ATRNL1: variants seen among roughly 807,000 people sequenced by gnomAD.
The protein encoded by ATRNL1 is attractin like 1.
A neutral mutation model predicts 182.7 loss-of-function variants in ATRNL1; 95 were observed. That is an observed-to-expected ratio of 0.52 (90% CI 0.44 to 0.62). ATRNL1 has a LOEUF of 0.62. Ranked by LOEUF, ATRNL1 falls within the 20% of genes least tolerant of loss-of-function variation. The probability of loss-of-function intolerance (pLI) is 0.00; values close to 1 mark genes in which losing one functional copy is unlikely to be tolerated. For synonymous variants in ATRNL1, 576 were observed against 568.3 expected (o/e 1.01, Z -0.19); for missense variants, 1,471 against 1,679.5 (o/e 0.88, Z 2.17).
At chr10:115,143,893 A>G (rs1163187084) in intron 5 of ATRNL1, among the ~76,000 whole-genome samples, 1 of 152,088 alleles carries the variant, frequency 6.6e-6, no homozygotes, top group Non-Finnish European at 1.5e-5. Flanking sequence ...CCCACCTACT[A>G]ATACTATCAC....
chr10:115,802,559 G>T (rs191607858), intron 27 of ATRNL1, among the ~76,000 whole-genome samples: 1 of 152,158 alleles, frequency 6.6e-6, no homozygotes, highest in Admixed American at 6.5e-5. Context: ...TTTCTCTCTG[G>T]CATTTAGACA....
At chr10:115,706,976 A>T (rs1946918671) in intron 26 of ATRNL1, among the ~76,000 whole-genome samples, 1 of 151,930 alleles carries the variant, frequency 6.6e-6, no homozygotes, top group African/African-American at 2.4e-5. Flanking sequence ...GTAATTTCTT[A>T]CAAATTCTAA....
At chr10:115,622,107 T>C (rs1857805979) in intron 26 of ATRNL1, among the ~76,000 whole-genome samples, 1 of 152,174 alleles carries the variant, frequency 6.6e-6, no homozygotes, top group Non-Finnish European at 1.5e-5. Context: ...ACTCTAGATA[T>C]GTCAACCTAA....
chr10:115,596,622 T>G (rs1376652897), intron 26 of ATRNL1, among the ~76,000 whole-genome samples: 1 of 152,076 alleles, frequency 6.6e-6, no homozygotes, highest in Non-Finnish European at 1.5e-5. Flanking sequence ...GTCAGTGAGC[T>G]GAAGGGCGTG....
chr10:115,424,138 A>G lies in ATRNL1; in HGVS notation c.3270-2112A>G, dbSNP rs111879601. Among the ~76,000 whole-genome samples the G allele has an allele frequency of 5.3e-3, 802 of 152,296 alleles. 7 individuals are homozygous for G. The highest frequency in any genetic ancestry group is 0.017 in the African/African-American group (713 of 41,570). On this transcript the variant is annotated intron_variant, in intron 20 of 28. Transcript: ENST00000355044. ...CAAAAGATCTGAATAGACATTTCTC[A>G]AAAGAAGACATACGAATGGCTCACT...
intron 24 of ATRNL1, among the ~76,000 whole-genome samples, chr10:115,504,338 T>G (rs1554980763): frequency 6.6e-6 from 1 of 152,038 alleles, no homozygotes; most frequent in Non-Finnish European, 1.5e-5. Context: ...TAGGAGGAAT[T>G]TAGTTTATAG....
intron 9 of ATRNL1, among the ~76,000 whole-genome samples, chr10:115,235,801 T>A (rs1234997255): frequency 6.6e-6 from 1 of 152,150 alleles, no homozygotes; most frequent in African/African-American, 2.4e-5. Context: ...AGTGCCTTAT[T>A]GGGAGATACT....
intron 25 of ATRNL1, among the ~76,000 whole-genome samples, chr10:115,522,638 A>G (rs1851003920): frequency 6.6e-6 from 1 of 152,138 alleles, no homozygotes; most frequent in Admixed American, 6.5e-5. Flanking sequence ...TAATCCCAAT[A>G]CTTCCCAGAA....
chr10:115,311,379 C>T (rs896044799), intron 17 of ATRNL1, among the ~76,000 whole-genome samples: 32 of 151,830 alleles, frequency 2.1e-4, no homozygotes, highest in African/African-American at 6.8e-4. Flanking sequence ...TAGTAGAAAC[C>T]GGTTTCACCA....
At chr10:115,855,231 G>A (rs1208644236) in intron 28 of ATRNL1, among the ~76,000 whole-genome samples, 1 of 152,130 alleles carries the variant, frequency 6.6e-6, no homozygotes, top group Non-Finnish European at 1.5e-5. Flanking sequence ...GATTCTCTGA[G>A]TGTAGGTGTG....
Position 115,212,290 on chromosome 10 carries a change from GT to G in ATRNL1, c.1349-3398del, listed in dbSNP as rs1213187248. On this transcript the variant is annotated intron_variant, in intron 8 of 28. Coordinates refer to ENST00000355044, the MANE Select transcript of ATRNL1 (RefSeq NM_207303.4). Reference sequence around the variant, plus strand: ...CCGTTAGTTTTTATTTGTTATTGTAGTTTTTTTTTAACTTTTTTTTTTTTGC... The same window carrying G: ...CCGTTAGTTTTTATTTGTTATTGTAGTTTTTTTTAACTTTTTTTTTTTTGC... 1.6e-4 allele frequency among the ~76,000 whole-genome samples: 21 copies of G among 132,940 alleles called. No individual in the cohort carries two copies. In the East Asian group the frequency reaches 4.1e-3, roughly 26 times the overall value. 87.2% of individuals were successfully genotyped at this position (132,940 alleles called of 152,430 possible).
At chr10:115,761,532 T>C (rs1274331009) in intron 27 of ATRNL1, among the ~76,000 whole-genome samples, 1 of 152,230 alleles carries the variant, frequency 6.6e-6, no homozygotes, top group African/African-American at 2.4e-5. Context: ...TGAAGAGTGA[T>C]GCCCTTGTTG....
chr10:115,832,619 T>C (rs1336709542), intron 27 of ATRNL1, among the ~76,000 whole-genome samples: 1 of 152,228 alleles, frequency 6.6e-6, no homozygotes, highest in East Asian at 1.9e-4. Context: ...ATTGGAATTA[T>C]GATAAGTCTG....
intron 1 of ATRNL1, among the ~76,000 whole-genome samples, chr10:115,119,329 C>A (rs911305909): frequency 1.3e-5 from 2 of 151,490 alleles, no homozygotes; most frequent in African/African-American, 4.9e-5. Flanking sequence ...TAGATAATGG[C>A]CCTGATATGT....
At chr10:115,270,636 A>G (rs1851820607) in intron 13 of ATRNL1, among the ~76,000 whole-genome samples, 1 of 151,910 alleles carries the variant, frequency 6.6e-6, no homozygotes, top group South Asian at 2.1e-4. Flanking sequence ...GTCCAAGAGC[A>G]AGAAAAGGCA....
At chr10:115,784,221 C>T (rs1555079944) in intron 27 of ATRNL1, among the ~76,000 whole-genome samples, 3 of 152,242 alleles carry the variant, frequency 2.0e-5, no homozygotes, top group African/African-American at 4.8e-5. Flanking sequence ...GGCTTATTGG[C>T]TCTTAGGATT....
chr10:115,511,966 TG>T (rs1815745147), intron 24 of ATRNL1, among the ~76,000 whole-genome samples: 1 of 151,842 alleles, frequency 6.6e-6, no homozygotes, highest in Admixed American at 6.6e-5. Context: ...TTTTGATTAT[TG>T]TTTGAATAAT....
At chr10:115,440,535 G>A (rs1846619475) in intron 21 of ATRNL1, among the ~76,000 whole-genome samples, 1 of 151,766 alleles carries the variant, frequency 6.6e-6, no homozygotes, top group South Asian at 2.1e-4. Context: ...ATTGAAATTT[G>A]TAATTCATTA....
At chr10:115,908,987 C>T (rs539760713) in intron 28 of ATRNL1, among the ~76,000 whole-genome samples, 73 of 152,314 alleles carry the variant, frequency 4.8e-4, no homozygotes, top group Middle Eastern at 3.4e-3. Context: ...TGCACACCCC[C>T]ATCATTTTTA....
Sources: allele counts gnomAD v4.1 joint callset (sites outside exome capture counted in the v4.1 genomes callset), GRCh38; gene constraint gnomAD v4.1.1; transcripts MANE v1.5; gene names NCBI Gene and HGNC (gene_info 2026-07-23, HGNC 2026-07-21).